The following SLC7A9 variants were observed in gnomAD, a reference collection of about 807,000 sequenced individuals.
SLC7A9 encodes the protein B(0,+)-type amino acid transporter 1.
SLC7A9 carries 38 observed loss-of-function variants against 54.1 expected under a neutral mutation model. That is an observed-to-expected ratio of 0.70 (90% CI 0.54 to 0.92). SLC7A9 has a LOEUF of 0.92. Ranked by LOEUF, SLC7A9 falls within the 40% of genes least tolerant of loss-of-function variation. The pLI is 0.00. For synonymous variants in SLC7A9, 264 were observed against 258.9 expected, an observed-to-expected ratio of 1.02 and a Z score of -0.19; for missense variants, 537 against 636.1, an observed-to-expected ratio of 0.84 and a Z score of 1.68.
At position 32,833,138 on chromosome 19, in the gene SLC7A9, T is replaced by C. The variant is rs771232062; in HGVS notation, c.1399+11A>G. 6.2e-7 allele frequency: 1 copy of C among 1,613,950 alleles called. No individual in the cohort carries two copies. Among genetic ancestry groups the C allele is most frequent in the Non-Finnish European group, 8.5e-7 (1 of 1,179,858 alleles). On this transcript the variant is annotated intron_variant, in intron 12 of 12. Coordinates refer to ENST00000023064, the MANE Select transcript of SLC7A9 (RefSeq NM_014270.5). Reference sequence around the variant, plus strand: ...TCACAGAGGCCAAGCGGCCCTTCTGTTGGTACTTACTTGAGATTTTCTGAG... The same window carrying C: ...TCACAGAGGCCAAGCGGCCCTTCTGCTGGTACTTACTTGAGATTTTCTGAG...
intron 11 of SLC7A9, among the ~76,000 whole-genome samples, chr19:32,833,779 G>A (rs971491826): frequency 2.7e-5 from 4 of 149,230 alleles, no homozygotes; most frequent in East Asian, 2.0e-4. Context: ...CCTGGGCCAC[G>A]GGAGGGAAAC....
chr19:32,855,477 A>G (rs1968594114), intron 9 of SLC7A9, among the ~76,000 whole-genome samples: 1 of 152,188 alleles, frequency 6.6e-6, no homozygotes, highest in Non-Finnish European at 1.5e-5. Flanking sequence ...AGGCGGGCGG[A>G]TCACGAGGTC....
chr19:32,834,651 G>A (rs897477697), intron 11 of SLC7A9, among the ~76,000 whole-genome samples: 1 of 152,098 alleles, frequency 6.6e-6, no homozygotes, highest in Non-Finnish European at 1.5e-5. Context: ...CATAACCTGG[G>A]TGATTGGAGT....
intron 10 of SLC7A9, 144 bp downstream of exon 10, chr19:32,843,711 T>A: frequency 1.5e-6 from 1 of 683,836 alleles, no homozygotes; most frequent in Non-Finnish European, 2.7e-6. Flanking sequence ...GGTATGTTGT[T>A]TCACTTGTCC....
At chr19:32,835,909 GTA>G (rs1326606748) in intron 11 of SLC7A9, among the ~76,000 whole-genome samples, 2,475 of 104,136 alleles carry the variant, frequency 0.024, 62 homozygotes, top group African/African-American at 0.086. Context: ...GTGTGTGTGT[GTA>G]TGTGTGTGTG....
intron 9 of SLC7A9, among the ~76,000 whole-genome samples, chr19:32,851,909 A>T (rs1403654299): frequency 6.6e-6 from 1 of 152,038 alleles, no homozygotes; most frequent in Admixed American, 6.6e-5. Context: ...TTCTCAGCAA[A>T]CTATTGCAAG....
chr19:32,851,643 C>A (rs1968469434), intron 9 of SLC7A9, among the ~76,000 whole-genome samples: 1 of 151,952 alleles, frequency 6.6e-6, no homozygotes, highest in Non-Finnish European at 1.5e-5. Flanking sequence ...ACTAGAAATA[C>A]CATTTGACCC....
chr19:32,842,016 G>A, intron 11 of SLC7A9, 152 bp downstream of exon 11: 1 of 763,832 alleles, frequency 1.3e-6, no homozygotes, highest in Non-Finnish European at 2.2e-6. Context: ...CATAAACTAT[G>A]CTGTGAAGAG....
At chr19:32,837,845 A>G (rs1343148113) in intron 11 of SLC7A9, among the ~76,000 whole-genome samples, 1 of 152,214 alleles carries the variant, frequency 6.6e-6, no homozygotes, top group East Asian at 1.9e-4. Flanking sequence ...GGATTCAGAT[A>G]CTGATTTTTC....
intron 9 of SLC7A9, among the ~76,000 whole-genome samples, chr19:32,855,817 C>G (rs1046416464): frequency 6.6e-6 from 1 of 152,196 alleles, no homozygotes; most frequent in Non-Finnish European, 1.5e-5. Flanking sequence ...CCCCAGCAAG[C>G]CTTTGTCTCT....
chr19:32,840,082 TTC>T (rs1227192296), intron 11 of SLC7A9, among the ~76,000 whole-genome samples: 2 of 152,170 alleles, frequency 1.3e-5, no homozygotes, highest in Non-Finnish European at 2.9e-5. Flanking sequence ...TCCCCTTGTT[TTC>T]TCTCAAACCC....
At position 32,864,883 on chromosome 19, in the gene SLC7A9, C is replaced by A. The variant is rs141738266; in HGVS notation, c.88-107G>T. 32 of 1,473,804 alleles carry A rather than the reference C, an allele frequency of 2.2e-5. No homozygotes were observed. The East Asian group carries it at 7.2e-4, about 33-fold the overall frequency. The allele number at this position is 1,473,804 out of a possible 1,614,324, so 91.3% of individuals were successfully genotyped here. On this transcript the variant is annotated intron_variant, in intron 2 of 12. Coordinates refer to ENST00000023064, the MANE Select transcript of SLC7A9 (RefSeq NM_014270.5). Reference sequence around the variant, plus strand: ...GGCCAGGGCGGCCCCAGCCAAAGCCCATGTCCCAGGCGCTTCCACCCTGAG... The same window carrying A: ...GGCCAGGGCGGCCCCAGCCAAAGCCAATGTCCCAGGCGCTTCCACCCTGAG...
chr19:32,841,972 T>G lies in SLC7A9; in HGVS notation c.1224+196A>C, dbSNP rs137902058. ...ACGGGCCACAGGTATTCGTGATGAC[T>G]TAATAAAATGAATAACAAGGTGGCT... is the stretch of plus-strand genomic sequence containing the variant. On this transcript the variant is annotated intron_variant, in intron 11 of 12. Coordinates refer to ENST00000023064, the MANE Select transcript of SLC7A9 (RefSeq NM_014270.5). Among the ~76,000 whole-genome samples the G allele has an allele frequency of 5.5e-4, 83 of 152,290 alleles. 1 individual carries two copies. Among genetic ancestry groups the G allele is most frequent in the Middle Eastern group, 6.8e-3 (2 of 294 alleles).
intron 12 of SLC7A9, among the ~76,000 whole-genome samples, chr19:32,831,516 CCTG>C (rs1967793099): frequency 6.6e-6 from 1 of 152,102 alleles, no homozygotes; most frequent in Admixed American, 6.5e-5. Context: ...GTCTCGATCT[CCTG>C]ACCTCGTGAT....
chr19:32,868,512 T>C lies in SLC7A9; in HGVS notation c.23A>G (p.Lys8Arg), dbSNP rs765047835. Reference protein sequence around the residue: MGDTGLRKRREDEKSIQS... With the variant: MGDTGLRRRREDEKSIQS... ...GATCGACTTCTCATCCTCTCTCCGC[T>C]TTCTCAGGCCAGTATCCCCCATGTT... The change falls in exon 2 of 13, where the codon AAG (lysine) becomes AGG (arginine). Residue 8 changes from lysine (K) to arginine (R), a missense_variant. Physicochemically the swap from Lys to Arg is conservative, Grantham distance 26. Transcript: ENST00000023064. The C allele has an allele frequency of 5.6e-6, 9 of 1,613,982 alleles. No individual in the cohort carries two copies. In the African/African-American group the frequency reaches 1.2e-4, roughly 22 times the overall value.
intron 11 of SLC7A9, among the ~76,000 whole-genome samples, chr19:32,835,911 ATGTGTG>A (rs60204379): frequency 1.7e-3 from 239 of 142,828 alleles, no homozygotes; most frequent in African/African-American, 5.4e-3. Context: ...GTGTGTGTGT[ATGTGTG>A]TGTGTGTGTG....
At position 32,845,506 on chromosome 19, in the gene SLC7A9, A is replaced by G. The variant is rs904263640; in HGVS notation, c.978-1555T>C. 4.6e-5 allele frequency among the ~76,000 whole-genome samples: 7 copies of G among 152,146 alleles called. 2 individuals are homozygous for G. The South Asian group carries it at 1.0e-3, about 22-fold the overall frequency. Reference sequence around the variant, plus strand: ...GACAGAACAAGACTCTGTCTCAAACAAAACCAAACAAACAAAAAAACCCAG... The same window carrying G: ...GACAGAACAAGACTCTGTCTCAAACGAAACCAAACAAACAAAAAAACCCAG... On this transcript the variant is annotated intron_variant, in intron 9 of 12. Coordinates refer to ENST00000023064, the MANE Select transcript of SLC7A9 (RefSeq NM_014270.5).
chr19:32,837,492 C>CAAAA (rs57648590), intron 11 of SLC7A9, among the ~76,000 whole-genome samples: 4 of 54,572 alleles, frequency 7.3e-5, no homozygotes, highest in East Asian at 3.5e-4. Flanking sequence ...GATTCCATCT[C>CAAAA]AAAAAAAAAA....
At chr19:32,859,331 C>T (rs952126923) in intron 8 of SLC7A9, among the ~76,000 whole-genome samples, 5 of 151,928 alleles carry the variant, frequency 3.3e-5, no homozygotes, top group Non-Finnish European at 7.4e-5. Context: ...CCACTCCAAC[C>T]GGAATGGCTG....
Sources: allele counts gnomAD v4.1 joint callset (sites outside exome capture counted in the v4.1 genomes callset), GRCh38; gene constraint gnomAD v4.1.1; transcripts MANE v1.5; gene names NCBI Gene and HGNC (gene_info 2026-07-23, HGNC 2026-07-21).